Variants in MYH2 observed in about 807,000 individuals in gnomAD.
MYH2 encodes myosin-2.
In MYH2, 139 loss-of-function variants were observed where a neutral mutation model predicts 228.1. That is an observed-to-expected ratio of 0.61 (90% CI 0.53 to 0.70). The LOEUF is 0.70. MYH2 is among the 30% of genes least tolerant of loss of function. The pLI is 0.00. For missense variants in MYH2, 1,809 were observed against 2,357.5 expected (o/e 0.77, Z 4.82); for synonymous variants, 796 against 871.1 (o/e 0.91, Z 1.52).
chr17:10,526,832 T>G (rs1309623691), intron 29 of MYH2, 37 bp from the exon 30 acceptor site: 2 of 1,614,174 alleles, frequency 1.2e-6, no homozygotes, highest in Non-Finnish European at 1.7e-6. Flanking sequence ...TACTGGATAT[T>G]TAAATATTTA....
Position 10,533,432 on chromosome 17 carries a change from A to C in MYH2, c.2305-11T>G, listed in dbSNP as rs369500791. ...AGCTTTGAAAAAGACCTGTGAATGG[A>C]AAGAGTTGCAAATCACAAGCTTTAA... On this transcript the variant is annotated splice_polypyrimidine_tract_variant and intron_variant, in intron 20 of 39. Transcript: ENST00000245503. 7.4e-6 allele frequency: 12 copies of C among 1,614,058 alleles called. No individual in the cohort carries two copies. The highest frequency in any genetic ancestry group is 9.3e-6 in the Non-Finnish European group (11 of 1,180,044).
At chr17:10,530,171 T>A (rs1398764070) in intron 22 of MYH2, 97 bp from the exon 23 acceptor site, 5 of 1,602,092 alleles carry the variant, frequency 3.1e-6, no homozygotes, top group Non-Finnish European at 4.3e-6. Flanking sequence ...TTGAATTTCC[T>A]ATATTCATTT....
intron 24 of MYH2, 22 bp downstream of exon 24, chr17:10,529,542 T>C: frequency 1.2e-6 from 2 of 1,614,218 alleles, no homozygotes; most frequent in Non-Finnish European, 1.7e-6. Context: ...GAAAAGAATG[T>C]CCTTGATGAT....
intron 19 of MYH2, 88 bp from the exon 20 acceptor site, chr17:10,533,720 A>T: frequency 1.4e-6 from 2 of 1,480,794 alleles, no homozygotes; most frequent in Non-Finnish European, 1.9e-6. Flanking sequence ...TTTAAAGCAG[A>T]GCTTTAAAAA....
rs761461325 is a variant in MYH2, at chr17:10,535,128, G to C, written c.2125C>G (p.Arg709Gly). ...CTTGGAAATCCTTTCCTACAGATGCGGATGCCTTCCAGCACACCGTTACAC... is the reference window on the plus strand; with the variant it reads ...CTTGGAAATCCTTTCCTACAGATGCCGATGCCTTCCAGCACACCGTTACAC... ...LRCNGVLEGI[R>G]ICRKGFPSRI... The change falls in exon 19 of 40, where the codon CGC (arginine) becomes GGC (glycine). Residue 709 changes from arginine to glycine, a missense_variant. Arg to Gly is a moderately radical substitution (Grantham distance 125). Transcript: ENST00000245503. 2 of 1,613,966 alleles carry C rather than the reference G, an allele frequency of 1.2e-6. No individual in the cohort carries two copies. The highest frequency in any genetic ancestry group is 1.7e-6 in the Non-Finnish European group (2 of 1,180,036).
At chr17:10,543,262 C>G (rs955420765) in intron 8 of MYH2, 101 bp from the exon 9 acceptor site, 5 of 910,004 alleles carry the variant, frequency 5.5e-6, no homozygotes, top group Non-Finnish European at 8.6e-6. Flanking sequence ...TAAATCAATT[C>G]AGAGAGTATT....
chr17:10,539,390 A>G (rs555621342), intron 13 of MYH2, 36 bp from the exon 14 acceptor site: 2 of 1,614,176 alleles, frequency 1.2e-6, no homozygotes, highest in South Asian at 2.2e-5. Flanking sequence ...GAAGTTATTA[A>G]AGGCCTATGA....
chr17:10,543,638 G>A, intron 8 of MYH2, 73 bp downstream of exon 8: 1 of 1,567,986 alleles, frequency 6.4e-7, no homozygotes, highest in Non-Finnish European at 8.8e-7. Context: ...AAAAGATTCA[G>A]AGAATGTAAT....
rs545948079 is a variant in MYH2 at position 10,529,181 on chromosome 17, T to G, written c.3335A>C (p.Lys1112Thr). Residue 1112 changes from lysine to threonine, a missense_variant, in exon 26 of 40, where the codon AAG becomes ACG. Physicochemically the swap from Lys to Thr is moderately conservative, Grantham distance 78. Around this residue, in one of 9 missense-constraint regions of MYH2, gnomAD observed 636 missense variants for 729.9 expected, o/e 0.87. Transcript: ENST00000245503. ...ACTTACTTGCAATTCTTTAATTTTC[T>G]TCTGCAATTGAATGCCAAGTGCCTG... The part of the protein sequence containing the change: ...DEQALGIQLQ[K>T]KIKELQARIE... The G allele has an allele frequency of 1.9e-6, 3 of 1,614,238 alleles. No homozygotes were observed. The Admixed American group carries it at 5.0e-5, about 27-fold the overall frequency.
Position 10,537,467 on chromosome 17 carries a change from G to C in MYH2, c.1663C>G (p.Leu555Val). 6.2e-7 allele frequency: 1 copy of C among 1,614,198 alleles called. No individual in the cohort carries two copies. The highest frequency in any genetic ancestry group is 8.5e-7 in the Non-Finnish European group (1 of 1,180,040). Residue 555 changes from leucine (L) to valine (V), a missense_variant, in exon 16 of 40, where the codon CTG becomes GTG. By Grantham distance (32) the Leu-to-Val change is conservative (BLOSUM62 1). Around this residue, in one of 9 missense-constraint regions of MYH2, gnomAD observed 373 missense variants for 620.4 expected, o/e 0.60. Transcript: ENST00000245503. The surrounding 1 kb of genome is among the most constrained non-coding windows in gnomAD (Gnocchi z 4.0). ...GACTTGCCCAGGTGCTGGTCATACA[G>C]CTTGTTCTTGAAGGAGGTGTCTGTT... ...KATDTSFKNKLYDQHLGKSAN... is the reference protein window; with the variant it reads ...KATDTSFKNKVYDQHLGKSAN...
At chr17:10,536,734 A>T in intron 16 of MYH2, 128 bp from the exon 17 acceptor site, 1 of 827,582 alleles carries the variant, frequency 1.2e-6, no homozygotes, top group East Asian at 2.7e-5. Context: ...ATTGAGCCTG[A>T]ATGAATCTTA....
Position 10,525,714 on chromosome 17 carries a change from T to C in MYH2, c.4350A>G (p.Lys1450=). The change falls in exon 31 of 40, where the codon AAA becomes AAG. Residue 1450 remains lysine (K), a synonymous_variant. Transcript: ENST00000245503. This position sits in a 1 kb window ranked among gnomAD's most constrained non-coding sequence, Gnocchi z 4.2. ...RTNAACAALD[K]KQRNFDKILA... ...TTACCTTATCGAAGTTCCTTTGCTT[T>C]TTGTCAAGGGCGGCACAGGCGGCAT... is the stretch of plus-strand genomic sequence containing the variant. The C allele has an allele frequency of 6.2e-7, 1 of 1,614,210 alleles. No homozygotes were observed. Among genetic ancestry groups the C allele is most frequent in the Non-Finnish European group, 8.5e-7 (1 of 1,180,036 alleles).
In MYH2 at chr17:10,528,826, G is replaced by A. The variant is rs1350103067; in HGVS notation, c.3608C>T (p.Ala1203Val). 2 of 1,614,190 alleles carry A rather than the reference G, an allele frequency of 1.2e-6. No individual in the cohort carries two copies. Among genetic ancestry groups the A allele is most frequent in the Non-Finnish European group, 1.7e-6 (2 of 1,180,042 alleles). ...ATAATLRKKH[A>V]DSVAELGEQI... Reference sequence around the variant, plus strand: ...CTCCCCAAGCTCGGCCACACTATCTGCATGCTTCTTCCTCAGGGTGGCCGC... The same window carrying A: ...CTCCCCAAGCTCGGCCACACTATCTACATGCTTCTTCCTCAGGGTGGCCGC... Residue 1203 changes from alanine to valine, a missense_variant, in exon 27 of 40, where the codon GCA becomes GTA. Physicochemically the swap from Ala to Val is moderately conservative, Grantham distance 64. Around this residue, in one of 9 missense-constraint regions of MYH2, gnomAD observed 636 missense variants for 729.9 expected, o/e 0.87. Coordinates refer to ENST00000245503, the MANE Select transcript of MYH2 (RefSeq NM_017534.6).
Position 10,525,073 on chromosome 17 carries a change from A to T in MYH2, c.4663-8T>A. The T allele has an allele frequency of 6.2e-7, 1 of 1,614,144 alleles. No individual in the cohort carries two copies. The highest frequency in any genetic ancestry group is 8.5e-7 in the Non-Finnish European group (1 of 1,180,032). ...TTCATGTTCAAGAGATGCCTTAATG[A>T]CAGCAAGAGGTGACATTAGCAAGGA... On this transcript the variant is annotated splice_region_variant and splice_polypyrimidine_tract_variant and intron_variant, in intron 33 of 39. Transcript: ENST00000245503. This position sits in a 1 kb window ranked among gnomAD's most constrained non-coding sequence, Gnocchi z 4.2.
At chr17:10,547,444 A>ATTT in intron 4 of MYH2, 31 bp downstream of exon 4, 1 of 1,613,660 alleles carries the variant, frequency 6.2e-7, no homozygotes, top group Non-Finnish European at 8.5e-7. Flanking sequence ...CATGAGGATG[A>ATTT]TTATACAGAG....
intron 17 of MYH2, 103 bp from the exon 18 acceptor site, chr17:10,535,468 G>GTTA (rs2073472795): frequency 6.3e-6 from 6 of 946,216 alleles, no homozygotes; most frequent in Admixed American, 3.9e-5. Context: ...TGAATGACCA[G>GTTA]TATGGACTGC....
Position 10,526,765 on chromosome 17 carries a change from A to T in MYH2, c.4021T>A (p.Ser1341Thr), listed in dbSNP as rs554321580. The T allele has an allele frequency of 1.2e-6, 2 of 1,614,246 alleles. No homozygotes were observed. Among genetic ancestry groups the T allele is most frequent in the Non-Finnish European group, 1.7e-6 (2 of 1,180,046 alleles). The change falls in exon 30 of 40, where the codon TCT becomes ACT. Residue 1341 changes from serine (S) to threonine (T), a missense_variant. Coordinates refer to ENST00000245503, the MANE Select transcript of MYH2 (RefSeq NM_017534.6). ...AKNALAHALQ[S>T]SRHDCDLLRE... ...AGCAGGTCACAGTCGTGGCGGGAAG[A>T]CTGCAGGGCATGCGCCAGGGCGTTC...
Position 10,545,475 on chromosome 17 carries a change from C to T in MYH2, c.376G>A (p.Val126Ile). The T allele has an allele frequency of 6.2e-7, 1 of 1,614,118 alleles. No individual in the cohort carries two copies. The highest frequency in any genetic ancestry group is 1.7e-5 in the Admixed American group (1 of 60,006). Residue 126 changes from valine to isoleucine, a missense_variant, in exon 5 of 40, where the codon GTC becomes ATC. Physicochemically the swap from Val to Ile is conservative, Grantham distance 29 (BLOSUM62 3). Coordinates refer to ENST00000245503, the MANE Select transcript of MYH2 (RefSeq NM_017534.6). Reference protein sequence around the residue: ...YTYSGLFCVTVNPYKWLPVYK... With the variant: ...YTYSGLFCVTINPYKWLPVYK... The stretch of plus-strand genomic sequence containing the variant: ...ACAGGCAGCCACTTGTAGGGGTTGA[C>T]AGTGACACAGAAGAGACCTGAATAG...
In MYH2 at chr17:10,543,710, C is replaced by T. The variant is rs770945288; in HGVS notation, c.741+1G>A. The T allele has an allele frequency of 6.2e-7, 1 of 1,614,128 alleles. No individual in the cohort carries two copies. The highest frequency in any genetic ancestry group is 1.7e-5 in the Admixed American group (1 of 60,024). Reference sequence around the variant, plus strand: ...TCTATTAGCGTGTCCAAGAGACTTACAAAGCGAGAGGAGTTGTCATTCCTC... The same window carrying T: ...TCTATTAGCGTGTCCAAGAGACTTATAAAGCGAGAGGAGTTGTCATTCCTC... On this transcript the variant is annotated splice_donor_variant, in intron 8 of 39. Coordinates refer to ENST00000245503, the MANE Select transcript of MYH2 (RefSeq NM_017534.6). LOFTEE classifies it high-confidence loss of function.
Sources: allele counts gnomAD v4.1 joint callset, GRCh38; gene constraint gnomAD v4.1.1; regional missense constraint gnomAD v4.1.1; non-coding constraint Gnocchi (gnomAD v3.1); transcripts MANE v1.5; gene names NCBI Gene and HGNC (gene_info 2026-07-23, HGNC 2026-07-21).